TMEM30A: variants seen among roughly 807,000 people sequenced by gnomAD.
TMEM30A encodes the protein cell division cycle 50 P4-ATPase accessory subunit A, also known as cell cycle control protein 50A.
Under a neutral mutation model 38.2 loss-of-function variants are expected in TMEM30A, and 24 were observed. The ratio of observed to expected loss-of-function variants is 0.63; its 90% CI spans 0.46 to 0.88. TMEM30A has a LOEUF of 0.88. TMEM30A is among the 40% of genes least tolerant of loss of function. The probability of loss-of-function intolerance (pLI) is 0.00; values close to 1 mark genes in which losing one functional copy is unlikely to be tolerated. For missense variants in TMEM30A, 370 were observed against 458.6 expected (o/e 0.81, Z 1.77); for synonymous variants, 145 against 161.6 (o/e 0.90, Z 0.78).
intron 1 of TMEM30A, among the ~76,000 whole-genome samples, chr6:75,271,815 CT>C (rs902152036): frequency 6.6e-6 from 1 of 152,250 alleles, no homozygotes; most frequent in African/African-American, 2.4e-5. Flanking sequence ...TAGCAGACTA[CT>C]TTATCAAAGA....
chr6:75,268,572 T>C (rs889686360), intron 1 of TMEM30A, among the ~76,000 whole-genome samples: 16 of 152,188 alleles, frequency 1.1e-4, no homozygotes, highest in Admixed American at 3.3e-4. Context: ...GCTCTAAGTA[T>C]ACAGGGAGAG....
At chr6:75,262,768 T>C (rs1771993777) in intron 3 of TMEM30A, among the ~76,000 whole-genome samples, 1 of 152,226 alleles carries the variant, frequency 6.6e-6, no homozygotes, top group Non-Finnish European at 1.5e-5. Context: ...AATCCCTATT[T>C]TTAAGCAACT....
chr6:75,262,168 G>A (rs775062486), intron 3 of TMEM30A, among the ~76,000 whole-genome samples: 69 of 151,994 alleles, frequency 4.5e-4, no homozygotes, highest in Non-Finnish European at 9.1e-4. Context: ...GCAACATGGC[G>A]AAATCCCATC....
At chr6:75,263,412 A>G (rs918117238) in intron 3 of TMEM30A, among the ~76,000 whole-genome samples, 14 of 152,240 alleles carry the variant, frequency 9.2e-5, no homozygotes, top group African/African-American at 3.4e-4. Context: ...TATAGCTGCT[A>G]TGAGAATGGC....
chr6:75,263,664 A>G (rs867062818), intron 3 of TMEM30A, among the ~76,000 whole-genome samples: 14 of 152,340 alleles, frequency 9.2e-5, no homozygotes, highest in Middle Eastern at 3.4e-3. Flanking sequence ...TTGTGTCACA[A>G]TGCATGGTTA....
intron 3 of TMEM30A, among the ~76,000 whole-genome samples, chr6:75,262,277 G>A (rs1562387902): frequency 6.6e-6 from 1 of 152,148 alleles, no homozygotes; most frequent in East Asian, 1.9e-4. Flanking sequence ...AGTCCAGGAA[G>A]CAAAGGTTGC....
chr6:75,258,638 TCTC>T, intron 6 of TMEM30A, 139 bp downstream of exon 6: 1 of 651,308 alleles, frequency 1.5e-6, no homozygotes, highest in Non-Finnish European at 2.6e-6. Context: ...AAAAATACAT[TCTC>T]ACATATACCA....
At chr6:75,280,830 T>G (rs1424843228) in intron 1 of TMEM30A, among the ~76,000 whole-genome samples, 1 of 152,160 alleles carries the variant, frequency 6.6e-6, no homozygotes, top group Admixed American at 6.5e-5. Context: ...AGCAACTTAT[T>G]CTTCCCTGAC....
At chr6:75,256,396 TTC>T in intron 6 of TMEM30A, 101 bp from the exon 7 acceptor site, 1 of 1,011,520 alleles carries the variant, frequency 9.9e-7, no homozygotes. Flanking sequence ...ATTTGTGTAA[TTC>T]TAGGATATAC....
chr6:75,256,022 C>G lies in TMEM30A; in HGVS notation c.*80G>C. ...GCCAACTTCAAAATGACATACTAAC[C>G]AGATATCAGCATTCGAAAGCTAGGT... On this transcript the variant is annotated 3_prime_UTR_variant, in exon 7 of 7. Coordinates refer to ENST00000230461, the MANE Select transcript of TMEM30A (RefSeq NM_018247.4). 1.0e-6 allele frequency: 1 copy of G among 982,348 alleles called. No homozygotes were observed. Among genetic ancestry groups the G allele is most frequent in the South Asian group, 1.9e-5 (1 of 52,104 alleles). The allele number at this position is 982,348 out of a possible 1,614,324, so 60.9% of individuals were successfully genotyped here.
rs564427287 is a variant in TMEM30A at position 75,267,520 on chromosome 6, A to C, written c.345+121T>G. On this transcript the variant is annotated intron_variant, in intron 2 of 6. Coordinates refer to ENST00000230461, the MANE Select transcript of TMEM30A (RefSeq NM_018247.4). The stretch of plus-strand genomic sequence containing the variant: ...AAAACGATCTTCCTCAAAAGCCTAT[A>C]AACTCCAGTAAATTATACAGACTTC... 5.0e-6 allele frequency: 3 copies of C among 605,364 alleles called. No individual in the cohort carries two copies. In the African/African-American group the frequency reaches 5.7e-5, roughly 11 times the overall value. The allele number at this position is 605,364 out of a possible 1,614,324, so 37.5% of individuals were successfully genotyped here.
chr6:75,261,658 G>A (rs1421985781), intron 3 of TMEM30A, among the ~76,000 whole-genome samples: 2 of 152,192 alleles, frequency 1.3e-5, no homozygotes, highest in Non-Finnish European at 2.9e-5. Flanking sequence ...ATTAAGCCAT[G>A]TCTCAAAACA....
At chr6:75,274,508 G>A (rs1297561906) in intron 1 of TMEM30A, among the ~76,000 whole-genome samples, 2 of 152,208 alleles carry the variant, frequency 1.3e-5, no homozygotes, top group Admixed American at 6.5e-5. Context: ...TAATCCAGGT[G>A]AAAAATGTTG....
intron 1 of TMEM30A, among the ~76,000 whole-genome samples, chr6:75,277,303 T>A (rs79863674): frequency 0.12 from 4,830 of 38,812 alleles, 193 homozygotes; most frequent in East Asian, 0.31. Context: ...AATGTCCTCA[T>A]CCAAAAAAAA....
intron 1 of TMEM30A, among the ~76,000 whole-genome samples, chr6:75,269,115 C>T (rs1259886796): frequency 6.6e-6 from 1 of 152,164 alleles, no homozygotes; most frequent in East Asian, 1.9e-4. Context: ...CATCTCACAC[C>T]ACAGTGGTAC....
chr6:75,271,838 T>C (rs1454936062), intron 1 of TMEM30A, among the ~76,000 whole-genome samples: 2 of 152,044 alleles, frequency 1.3e-5, no homozygotes, highest in Non-Finnish European at 2.9e-5. Flanking sequence ...AACATATAAA[T>C]ACCAAGAAAA....
intron 1 of TMEM30A, among the ~76,000 whole-genome samples, chr6:75,274,124 A>C (rs547605886): frequency 6.6e-6 from 1 of 152,342 alleles, no homozygotes; most frequent in East Asian, 1.9e-4. Context: ...AGGTGGAAAA[A>C]GGAGAATCAA....
chr6:75,282,671 C>G (rs541250084), intron 1 of TMEM30A, among the ~76,000 whole-genome samples: 9 of 152,282 alleles, frequency 5.9e-5, no homozygotes, highest in African/African-American at 1.7e-4. Flanking sequence ...ATACTCTCAA[C>G]TAGTTTACTG....
intron 2 of TMEM30A, among the ~76,000 whole-genome samples, chr6:75,267,101 C>A (rs1247434314): frequency 1.3e-5 from 2 of 152,112 alleles, no homozygotes; most frequent in Non-Finnish European, 2.9e-5. Context: ...ATCTTTATGT[C>A]CGTTAGCATG....
Sources: gnomAD v4.1 joint callset for allele counts (sites outside exome capture counted in the v4.1 genomes callset) on GRCh38, gnomAD v4.1.1 for gene constraint, MANE v1.5 for transcripts, NCBI Gene and HGNC (gene_info 2026-07-23, HGNC 2026-07-21) for gene names.